The following PASK variants were observed in gnomAD, a reference collection of about 807,000 sequenced individuals.
PASK encodes the protein PAS domain containing serine/threonine kinase.
Under a neutral mutation model 121.0 loss-of-function variants are expected in PASK, and 110 were observed. That is an observed-to-expected ratio of 0.91 (90% CI 0.78 to 1.06). The LOEUF is 1.06. PASK is among the 50% of genes least tolerant of loss of function. The pLI, the probability that PASK is intolerant of heterozygous loss-of-function variation, is 0.00. For missense variants in PASK, 1,643 were observed against 1,702.3 expected (o/e 0.97, Z 0.61); for synonymous variants, 686 against 717.8 (o/e 0.96, Z 0.71).
At chr2:241,143,414 G>T (rs1330592819) in intron 1 of PASK, among the ~76,000 whole-genome samples, 1 of 152,128 alleles carries the variant, frequency 6.6e-6, no homozygotes, top group Non-Finnish European at 1.5e-5. Context: ...AGCCGGGCAT[G>T]GTGGCGGGTG....
At position 241,112,673 on chromosome 2, in the gene PASK, A is replaced by G. The variant is rs1327877014; in HGVS notation, c.3334-234T>C. 4 of 502,894 alleles carry G rather than the reference A, an allele frequency of 8.0e-6. No individual in the cohort carries two copies. The highest frequency in any genetic ancestry group is 6.4e-5 in the South Asian group (3 of 46,958). The allele number at this position is 502,894 out of a possible 1,614,324, so 31.2% of individuals were successfully genotyped here. The stretch of plus-strand genomic sequence containing the variant: ...GGCCACGTTAGCCGGCAAGGTGGCA[A>G]CATCAATGAGACTCGTGAGTTCTGT... On this transcript the variant is annotated intron_variant, in intron 14 of 17. Coordinates refer to ENST00000234040, the MANE Select transcript of PASK (RefSeq NM_015148.4). This position sits in a 1 kb window ranked among gnomAD's most constrained non-coding sequence, Gnocchi z 5.2.
At position 241,126,568 on chromosome 2, in the gene PASK, T is replaced by C. The variant is rs777586933; in HGVS notation, c.2347A>G (p.Ser783Gly). 8 of 1,614,076 alleles carry C rather than the reference T, an allele frequency of 5.0e-6. No homozygotes were observed. The East Asian group carries it at 1.6e-4, about 31-fold the overall frequency. ...LAVGSDPDVG[S>G]LQEQGSCVLD... ...ACACACGACCCCTGTTCCTGGAGAC[T>C]GCCTACATCTGGATCGGAGCCCACT... is the stretch of plus-strand genomic sequence containing the variant. The change falls in exon 10 of 18, where the codon AGT becomes GGT. Residue 783 changes from serine (S) to glycine (G), a missense_variant. Ser to Gly is a moderately conservative substitution (Grantham distance 56). Transcript: ENST00000234040.
Position 241,122,737 on chromosome 2 carries a change from T to G in PASK, c.3067A>C (p.Lys1023Gln), listed in dbSNP as rs138846266. 2.9e-5 allele frequency: 47 copies of G among 1,613,848 alleles called. No homozygotes were observed. The highest frequency in any genetic ancestry group is 3.7e-5 in the Non-Finnish European group (44 of 1,179,848). ...CCCCCCCACAGCCAGGTTACCTCCT[T>G]GTTTTTTTCCTTGTCCACAGCAGTC... The part of the protein sequence containing the change: ...VWTAVDKEKN[K>Q]EVVVKFIKKE... Residue 1023 changes from lysine (K) to glutamine (Q), a missense_variant, in exon 12 of 18, where the codon AAG (lysine) becomes CAG (glutamine). Physicochemically the swap from Lys to Gln is moderately conservative, Grantham distance 53. Around this residue, in one of 3 missense-constraint regions of PASK, gnomAD observed 453 missense variants for 511.2 expected, o/e 0.89. Coordinates refer to ENST00000234040, the MANE Select transcript of PASK (RefSeq NM_015148.4).
chr2:241,108,549 T>C lies in PASK; in HGVS notation c.3534-249A>G. 1.8e-6 allele frequency: 1 copy of C among 556,924 alleles called. No individual in the cohort carries two copies. Among genetic ancestry groups the C allele is most frequent in the South Asian group, 1.9e-5 (1 of 51,502 alleles). The allele number at this position is 556,924 out of a possible 1,614,324, so 34.5% of individuals were successfully genotyped here. On this transcript the variant is annotated intron_variant, in intron 15 of 17. Transcript: ENST00000234040. The surrounding 1 kb of genome is among the most constrained non-coding windows in gnomAD (Gnocchi z 5.2). ...CTCCGAGGCTAATCAGGAACTTCCT[T>C]GTGGACACCAACCACAAGACGTGTC...
chr2:241,135,027 G>C (rs2066341045), intron 8 of PASK, among the ~76,000 whole-genome samples: 1 of 152,210 alleles, frequency 6.6e-6, no homozygotes, highest in African/African-American at 2.4e-5. Flanking sequence ...CTCCTTACCA[G>C]GAGCTCAGGC....
At chr2:241,122,193 T>C (rs1387644086) in intron 12 of PASK, among the ~76,000 whole-genome samples, 1 of 151,622 alleles carries the variant, frequency 6.6e-6, no homozygotes, top group African/African-American at 2.4e-5. Flanking sequence ...AGATACCACC[T>C]TAGGAAAATA....
Position 241,137,048 on chromosome 2 carries a change from C to A in PASK, c.1093G>T (p.Ala365Ser), listed in dbSNP as rs145134713. 2.5e-6 allele frequency: 4 copies of A among 1,613,660 alleles called. No homozygotes were observed. Among genetic ancestry groups the A allele is most frequent in the Middle Eastern group, 1.7e-4 (1 of 6,060 alleles). The change falls in exon 7 of 18, where the codon GCG (alanine) becomes TCG (serine). Residue 365 changes from alanine to serine, a missense_variant. Transcript: ENST00000234040. ...GTIHGINHSF[A>S]LTLFGYGKTE... is the part of the protein sequence containing the mutation. The stretch of plus-strand genomic sequence containing the variant: ...TTTCCGTAACCAAACAGTGTCAGCG[C>A]GAAGCTGTGGTTGATGCCGTGGATG...
At chr2:241,113,065 G>A (rs1336071801) in intron 14 of PASK, among the ~76,000 whole-genome samples, 6 of 152,218 alleles carry the variant, frequency 3.9e-5, no homozygotes, top group Non-Finnish European at 8.8e-5. Flanking sequence ...TCGTTCCCAC[G>A]GAGGTGCAGC....
intron 9 of PASK, 81 bp downstream of exon 9, chr2:241,132,793 T>C (rs2066226470): frequency 8.5e-7 from 1 of 1,171,048 alleles, no homozygotes; most frequent in Non-Finnish European, 1.3e-6. Flanking sequence ...AGGCTGAACA[T>C]TTCTCTCTGA....
Position 241,124,005 on chromosome 2 carries a change from G to A in PASK, c.2848C>T (p.Leu950=). 6.2e-7 allele frequency: 1 copy of A among 1,614,050 alleles called. No homozygotes were observed. ...GCGGTAGAGTGGGTGGAGCCGGGCA[G>A]GCTGGCAAGGAACAGGCGGGTCCTG... ...AARTRLFLAS[L]PGSTHSTAAE... The change falls in exon 11 of 18, where the codon CTG becomes TTG. Residue 950 remains leucine, a synonymous_variant. Coordinates refer to ENST00000234040, the MANE Select transcript of PASK (RefSeq NM_015148.4).
chr2:241,137,198 G>A lies in PASK; in HGVS notation c.943C>T (p.Leu315=), dbSNP rs756852976. 1.5e-5 allele frequency: 24 copies of A among 1,612,804 alleles called. 2 individuals carry two copies. In the South Asian group the frequency reaches 1.9e-4, roughly 13 times the overall value. ...TCCTCGCTGCTGGGTTGGGATTTCA[G>A]CTTTAAGCTCAGAGGGAAGGTGGTA... ...DGTTFPLSLK[L]KSQPSSEEAT... is the part of the protein sequence containing the mutation. The change falls in exon 7 of 18, where the codon CTG becomes TTG. Residue 315 remains leucine (L), a synonymous_variant. Transcript: ENST00000234040.
intron 12 of PASK, among the ~76,000 whole-genome samples, chr2:241,120,691 A>G (rs1037585653): frequency 8.5e-5 from 13 of 152,230 alleles, no homozygotes; most frequent in African/African-American, 3.1e-4. Flanking sequence ...TGACAAGGAT[A>G]TGTAGACCAG....
chr2:241,149,701 CA>C, upstream of PASK: 2 of 1,551,384 alleles, frequency 1.3e-6, no homozygotes. Context: ...GACTCGCGAT[CA>C]AAATGGGTGA....
chr2:241,118,489 G>A (rs540036337), intron 12 of PASK, among the ~76,000 whole-genome samples: 14 of 152,262 alleles, frequency 9.2e-5, no homozygotes, highest in Admixed American at 7.8e-4. Context: ...ATCCACATAC[G>A]AAAGGGTGAA....
At chr2:241,115,596 A>C (rs2065300152) in intron 12 of PASK, among the ~76,000 whole-genome samples, 183 bp from the exon 13 acceptor site, 1 of 148,008 alleles carries the variant, frequency 6.8e-6, no homozygotes, top group Non-Finnish European at 1.5e-5. Flanking sequence ...CCCGGTCCCC[A>C]AGCATCCCAT....
At chr2:241,134,009 C>G (rs1459107810) in intron 8 of PASK, 3 of 151,766 alleles carry the variant, frequency 2.0e-5, no homozygotes, top group Non-Finnish European at 1.5e-5. Flanking sequence ...AAGGACGACC[C>G]CAGAAAGAAC....
intron 15 of PASK, chr2:241,109,645 T>G (rs1231000502): frequency 6.6e-6 from 1 of 152,598 alleles, no homozygotes; most frequent in Non-Finnish European, 1.5e-5. Context: ...AGCAGGGTGG[T>G]GGGGTGGCTA....
At position 241,149,442 on chromosome 2, in the gene PASK, G is replaced by A. The variant is rs2067177572; in HGVS notation, c.-71C>T. 5.3e-6 allele frequency: 3 copies of A among 566,666 alleles called. No individual in the cohort carries two copies. Among genetic ancestry groups the A allele is most frequent in the East Asian group, 3.1e-5 (1 of 32,344 alleles). 35.1% of individuals were successfully genotyped at this position (566,666 alleles called of 1,614,324 possible). On this transcript the variant is annotated 5_prime_UTR_variant, in exon 1 of 18. Coordinates refer to ENST00000234040, the MANE Select transcript of PASK (RefSeq NM_015148.4). ...GATCAGGCGAGGGTCACGCCAAGCC[G>A]GCTACACACCACGGAAAGGAGCCCT...
upstream of PASK, chr2:241,149,566 C>T (rs2067184571): frequency 7.6e-7 from 1 of 1,308,452 alleles, no homozygotes; most frequent in Non-Finnish European, 1.0e-6. Flanking sequence ...ACTAAGCTAG[C>T]CAGAGTCTAG....
Sources: allele counts gnomAD v4.1 joint callset (sites outside exome capture counted in the v4.1 genomes callset), GRCh38; gene constraint gnomAD v4.1.1; regional missense constraint gnomAD v4.1.1; non-coding constraint Gnocchi (gnomAD v3.1); transcripts MANE v1.5; gene names NCBI Gene and HGNC (gene_info 2026-07-23, HGNC 2026-07-21).